The following PHF21A variants were observed in gnomAD, a reference collection of about 807,000 sequenced individuals.
PHF21A encodes PHD finger protein 21A.
A neutral mutation model predicts 82.5 loss-of-function variants in PHF21A; 11 were observed. The ratio of observed to expected loss-of-function variants is 0.13; its 90% CI spans 0.08 to 0.22. The LOEUF (loss-of-function observed/expected upper bound fraction) is 0.22, where lower values mean the gene tolerates loss of function less well. PHF21A is among the 10% of genes least tolerant of loss of function. The pLI, the probability that PHF21A is intolerant of heterozygous loss-of-function variation, is 1.00. For missense variants in PHF21A, 579 were observed against 837.8 expected (o/e 0.69, Z 3.81); for synonymous variants, 297 against 302.8 (o/e 0.98, Z 0.20).
At chr11:46,043,485 G>C (rs2959104) in intron 6 of PHF21A, among the ~76,000 whole-genome samples, 1 of 152,052 alleles carries the variant, frequency 6.6e-6, no homozygotes, top group Non-Finnish European at 1.5e-5. Flanking sequence ...CCCATATCAC[G>C]GTCTATTAGT....
At chr11:46,055,208 C>G (rs2096434596) in intron 6 of PHF21A, among the ~76,000 whole-genome samples, 1 of 152,142 alleles carries the variant, frequency 6.6e-6, no homozygotes, top group Non-Finnish European at 1.5e-5. Context: ...TTATAGATCT[C>G]TTACCCAAAT....
chr11:45,964,948 CT>C (rs1452958024), intron 10 of PHF21A, among the ~76,000 whole-genome samples: 1 of 152,166 alleles, frequency 6.6e-6, no homozygotes, highest in African/African-American at 2.4e-5. Context: ...TTTCACAGTC[CT>C]ACCTTCATCT....
chr11:45,963,288 C>T (rs1032803632), intron 10 of PHF21A, among the ~76,000 whole-genome samples: 10 of 151,572 alleles, frequency 6.6e-5, no homozygotes, highest in South Asian at 6.3e-4. Flanking sequence ...GGTGAGATGG[C>T]GGGCACCTGT....
chr11:45,941,644 G>A (rs1460377031), intron 15 of PHF21A, among the ~76,000 whole-genome samples: 3 of 152,056 alleles, frequency 2.0e-5, no homozygotes, highest in Admixed American at 6.6e-5. Flanking sequence ...ATACAGAACC[G>A]GCTCTTTGCC....
intron 6 of PHF21A, among the ~76,000 whole-genome samples, chr11:46,021,576 A>G (rs1338275418): frequency 1.3e-5 from 2 of 149,518 alleles, no homozygotes; most frequent in African/African-American, 5.0e-5. Context: ...ACAGGGTCTC[A>G]CCCTGTCATC....
chr11:46,103,660 C>T (rs552272877), intron 1 of PHF21A, among the ~76,000 whole-genome samples: 45 of 152,242 alleles, frequency 3.0e-4, no homozygotes, highest in Admixed American at 2.0e-3. Flanking sequence ...AGCCATTATG[C>T]TACTTTAACT....
At chr11:45,998,076 G>A (rs1034356909) in intron 6 of PHF21A, among the ~76,000 whole-genome samples, 2 of 152,108 alleles carry the variant, frequency 1.3e-5, no homozygotes, top group Admixed American at 6.6e-5. Context: ...GTACCACTGT[G>A]GAGAGAGGCT....
chr11:45,958,445 T>TACACAC (rs1280689117), intron 10 of PHF21A, among the ~76,000 whole-genome samples: 8 of 15,388 alleles, frequency 5.2e-4, no homozygotes, highest in Non-Finnish European at 6.3e-4. Context: ...TATATATATA[T>TACACAC]ATATACACAC....
At chr11:46,026,726 A>T (rs1465598624) in intron 6 of PHF21A, 3 of 152,118 alleles carry the variant, frequency 2.0e-5, no homozygotes, top group Non-Finnish European at 1.5e-5. Flanking sequence ...AACCTGAGAC[A>T]CGTTGGCTTG....
intron 6 of PHF21A, among the ~76,000 whole-genome samples, chr11:46,073,327 CAAA>C (rs748320509): frequency 4.8e-5 from 4 of 84,134 alleles, no homozygotes; most frequent in Admixed American, 1.3e-4. Flanking sequence ...GACCCCGTCT[CAAA>C]AAAAAAAAAA....
intron 6 of PHF21A, among the ~76,000 whole-genome samples, chr11:45,998,095 T>C (rs186269740): frequency 1.3e-5 from 2 of 152,324 alleles, no homozygotes; most frequent in Admixed American, 6.5e-5. Context: ...CTAAAAAGAT[T>C]ACTGAATCCC....
intron 6 of PHF21A, among the ~76,000 whole-genome samples, chr11:46,017,384 A>G (rs1205860467): frequency 2.0e-5 from 3 of 152,250 alleles, no homozygotes; most frequent in Admixed American, 6.5e-5. Context: ...AGGAGATACT[A>G]AAGTATATTG....
rs781095484 is a variant in PHF21A, at chr11:45,960,551, AT to A, written c.996+4763del. ...AGCGGCAGAGGGCAAAAGTTAAATA[AT>A]TGCTTAATGGATACTGGGTTTTATT... On this transcript the variant is annotated intron_variant, in intron 10 of 18. Coordinates refer to ENST00000676320, the MANE Select transcript of PHF21A (RefSeq NM_001352027.3). 1.8e-4 allele frequency among the ~76,000 whole-genome samples: 28 copies of A among 152,354 alleles called. No individual in the cohort carries two copies. In the South Asian group the frequency reaches 2.3e-3, roughly 12 times the overall value.
At chr11:45,951,630 T>A (rs1468365821) in intron 11 of PHF21A, among the ~76,000 whole-genome samples, 1 of 152,176 alleles carries the variant, frequency 6.6e-6, no homozygotes, top group African/African-American at 2.4e-5. Context: ...ATCAAGAGGC[T>A]TTCCCCTAAC....
intron 14 of PHF21A, among the ~76,000 whole-genome samples, chr11:45,946,632 C>T (rs1459407963): frequency 1.3e-5 from 2 of 152,296 alleles, no homozygotes; most frequent in East Asian, 3.9e-4. Context: ...ATCTTGGCCT[C>T]CCAAAGTGCT....
intron 6 of PHF21A, among the ~76,000 whole-genome samples, chr11:46,025,689 T>C (rs1221057406): frequency 1.3e-5 from 2 of 152,206 alleles, no homozygotes; most frequent in East Asian, 3.8e-4. Context: ...TTCACCCAAA[T>C]TCCCCAAAAA....
intron 7 of PHF21A, among the ~76,000 whole-genome samples, chr11:45,979,294 C>G (rs2094178943): frequency 6.6e-6 from 1 of 152,172 alleles, no homozygotes; most frequent in Admixed American, 6.5e-5. Flanking sequence ...GCTGGGATTA[C>G]AGGCATGAGC....
intron 6 of PHF21A, among the ~76,000 whole-genome samples, chr11:45,990,394 G>C (rs550784663): frequency 6.6e-6 from 1 of 151,198 alleles, no homozygotes; most frequent in Non-Finnish European, 1.5e-5. Context: ...AAGGAGCTGG[G>C]ACTACACGAA....
At chr11:46,086,123 C>CTT (rs543704333) in intron 3 of PHF21A, among the ~76,000 whole-genome samples, 15 of 145,076 alleles carry the variant, frequency 1.0e-4, no homozygotes, top group Middle Eastern at 3.7e-3. Context: ...TAGCTACTAT[C>CTT]TTTTTTTTTT....
Sources: allele counts gnomAD v4.1 joint callset (sites outside exome capture counted in the v4.1 genomes callset), GRCh38; gene constraint gnomAD v4.1.1; transcripts MANE v1.5; gene names NCBI Gene and HGNC (gene_info 2026-07-23, HGNC 2026-07-21).